Variants in PLEKHM1 observed in about 807,000 individuals in gnomAD.
PLEKHM1 encodes the protein pleckstrin homology and RUN domain containing M1.
PLEKHM1 carries 28 observed loss-of-function variants against 94.3 expected under a neutral mutation model. That is an observed-to-expected ratio of 0.30 (90% CI 0.22 to 0.41). The LOEUF (loss-of-function observed/expected upper bound fraction) is 0.41. PLEKHM1 is among the 10% of genes least tolerant of loss of function. The pLI is 1.00. For synonymous variants in PLEKHM1, 424 were observed against 581.2 expected (o/e 0.73, Z 3.89); for missense variants, 907 against 1,358.6 (o/e 0.67, Z 5.22).
At chr17:45,486,700 G>C (rs2052142262) in intron 1 of PLEKHM1, among the ~76,000 whole-genome samples, 1 of 152,184 alleles carries the variant, frequency 6.6e-6, no homozygotes, top group Non-Finnish European at 1.5e-5. Context: ...GAGAAATCCA[G>C]CAGAAGAGCC....
At chr17:45,456,818 A>G (rs2050966283) in intron 6 of PLEKHM1, among the ~76,000 whole-genome samples, 3 of 152,176 alleles carry the variant, frequency 2.0e-5, no homozygotes. Flanking sequence ...GTTACTGAAA[A>G]ATTTGGTTAT....
At chr17:45,486,223 A>G (rs2052115901) in intron 1 of PLEKHM1, among the ~76,000 whole-genome samples, 1 of 147,980 alleles carries the variant, frequency 6.8e-6, no homozygotes, top group Admixed American at 6.7e-5. Flanking sequence ...TCTCAAAAAA[A>G]AAAAGATAAA....
chr17:45,490,077 C>T (rs2052260541), intron 1 of PLEKHM1, among the ~76,000 whole-genome samples: 1 of 151,988 alleles, frequency 6.6e-6, no homozygotes, highest in Admixed American at 6.6e-5. Flanking sequence ...TCGGAGTTAT[C>T]CAGAAGAAAG....
chr17:45,477,023 G>C (rs1295322012), intron 3 of PLEKHM1: 4 of 152,192 alleles, frequency 2.6e-5, no homozygotes, highest in African/African-American at 9.6e-5. Flanking sequence ...AGGAAGATTA[G>C]AGACTGACAA....
chr17:45,458,136 T>C, intron 6 of PLEKHM1, 33 bp downstream of exon 6: 1 of 1,603,324 alleles, frequency 6.2e-7, no homozygotes, highest in Non-Finnish European at 8.5e-7. Context: ...TCCCTGCAGA[T>C]GGGACCCACC....
At chr17:45,457,423 G>T (rs2050995542) in intron 6 of PLEKHM1, among the ~76,000 whole-genome samples, 1 of 151,948 alleles carries the variant, frequency 6.6e-6, no homozygotes, top group Non-Finnish European at 1.5e-5. Flanking sequence ...AGCCAGGCAT[G>T]GTGGCTCATG....
In PLEKHM1 at chr17:45,453,435, C is replaced by T. The variant is rs1443056238; in HGVS notation, c.2417G>A (p.Arg806Gln). ...NCQEVLKFAT[R>Q]ENGFLLQYLV... ...GTACTGCAGCAGGAAGCCATTCTCCCGGGTGGCAAATTTCAGCACCTCCTG... is the reference window on the plus strand; with the variant it reads ...GTACTGCAGCAGGAAGCCATTCTCCTGGGTGGCAAATTTCAGCACCTCCTG... Residue 806 changes from arginine to glutamine, a missense_variant, in exon 7 of 12, where the codon CGG becomes CAG. Arg to Gln is a conservative substitution (Grantham distance 43). Coordinates refer to ENST00000430334, the MANE Select transcript of PLEKHM1 (RefSeq NM_014798.3). The surrounding 1 kb of genome is among the most constrained non-coding windows in gnomAD (Gnocchi z 4.1). 2.6e-5 allele frequency: 42 copies of T among 1,613,054 alleles called. No homozygotes were observed. Among genetic ancestry groups the T allele is most frequent in the Middle Eastern group, 1.6e-4 (1 of 6,076 alleles).
chr17:45,454,972 T>C (rs953818909), intron 6 of PLEKHM1: 3 of 159,000 alleles, frequency 1.9e-5, no homozygotes, highest in Non-Finnish European at 2.8e-5. Flanking sequence ...CTACTAAAAA[T>C]ACAAAAATTA....
intron 6 of PLEKHM1, chr17:45,454,623 G>A (rs971334310): frequency 3.9e-5 from 19 of 487,110 alleles, no homozygotes; most frequent in Non-Finnish European, 6.4e-5. Context: ...TTGTGCAGGA[G>A]GTCTCTCCCT....
chr17:45,468,261 T>C lies in PLEKHM1; in HGVS notation c.1256A>G (p.Gln419Arg). The C allele has an allele frequency of 1.2e-6, 2 of 1,613,064 alleles. No homozygotes were observed. The highest frequency in any genetic ancestry group is 1.7e-6 in the Non-Finnish European group (2 of 1,179,624). The change falls in exon 5 of 12, where the codon CAG becomes CGG. Residue 419 changes from glutamine (Q) to arginine (R), a missense_variant. This residue lies in a region of PLEKHM1 where 477 missense variants were observed against 601.5 expected (regional missense o/e 0.79). Coordinates refer to ENST00000430334, the MANE Select transcript of PLEKHM1 (RefSeq NM_014798.3). Reference protein sequence around the residue: ...VGQGNGLQKAQAHDGAGLKLV... With the variant: ...VGQGNGLQKARAHDGAGLKLV... Reference sequence around the variant, plus strand: ...CTTCAGACCAGCTCCGTCATGAGCCTGGGCCTTCTGCAGGCCATTCCCTTG... The same window carrying C: ...CTTCAGACCAGCTCCGTCATGAGCCCGGGCCTTCTGCAGGCCATTCCCTTG...
intron 9 of PLEKHM1, among the ~76,000 whole-genome samples, chr17:45,442,859 C>T (rs1050705927): frequency 6.6e-6 from 1 of 152,146 alleles, no homozygotes; most frequent in Non-Finnish European, 1.5e-5. Context: ...TGCCCAGAGC[C>T]CCTCAAGGGT....
intron 4 of PLEKHM1, among the ~76,000 whole-genome samples, chr17:45,470,730 C>G (rs1417778338): frequency 6.6e-6 from 1 of 151,122 alleles, no homozygotes; most frequent in African/African-American, 2.4e-5. Flanking sequence ...GCCATCTCGG[C>G]TCACTGCAAG....
chr17:45,474,925 T>C (rs577241187), intron 4 of PLEKHM1, among the ~76,000 whole-genome samples, 175 bp downstream of exon 4: 41 of 152,302 alleles, frequency 2.7e-4, no homozygotes, highest in South Asian at 1.2e-3. Context: ...CTGTATTGCC[T>C]GCTACAGTTC....
intron 1 of PLEKHM1, among the ~76,000 whole-genome samples, chr17:45,486,196 G>T (rs1294335907): frequency 7.3e-6 from 1 of 136,636 alleles, no homozygotes; most frequent in South Asian, 2.3e-4. Context: ...CAGCCTAGGC[G>T]ACAGAGAGAG....
chr17:45,474,858 C>T (rs2051659575), intron 4 of PLEKHM1, among the ~76,000 whole-genome samples: 1 of 152,190 alleles, frequency 6.6e-6, no homozygotes, highest in African/African-American at 2.4e-5. Context: ...GTCACCGGGG[C>T]AGAGCTGGAG....
intron 4 of PLEKHM1, among the ~76,000 whole-genome samples, chr17:45,473,224 C>T (rs1303281963): frequency 1.3e-5 from 2 of 152,118 alleles, no homozygotes; most frequent in Non-Finnish European, 2.9e-5. Flanking sequence ...CAGGCCCCAG[C>T]ACCCATTAAA....
chr17:45,442,671 C>T (rs2050485441), intron 9 of PLEKHM1, among the ~76,000 whole-genome samples: 1 of 152,222 alleles, frequency 6.6e-6, no homozygotes, highest in African/African-American at 2.4e-5. Flanking sequence ...TCCCAAAGTG[C>T]TGGGATTACA....
At chr17:45,448,872 CATA>C (rs2050688480) in intron 8 of PLEKHM1, among the ~76,000 whole-genome samples, 1 of 152,068 alleles carries the variant, frequency 6.6e-6, no homozygotes, top group African/African-American at 2.4e-5. Context: ...GTACCCAAGG[CATA>C]ATATTAAGTG....
Position 45,444,527 on chromosome 17 carries a change from G to A in PLEKHM1, c.2837+943C>T, listed in dbSNP as rs913306884. 1.3e-5 allele frequency among the ~76,000 whole-genome samples: 2 copies of A among 152,216 alleles called. No homozygotes were observed. The highest frequency in any genetic ancestry group is 4.8e-5 in the African/African-American group (2 of 41,450). ...ATCACGTCTTCTTTGGAGAATTTCA[G>A]GAGGGAGGCTGGCATGGGCCAGACG... On this transcript the variant is annotated intron_variant, in intron 9 of 11. Coordinates refer to ENST00000430334, the MANE Select transcript of PLEKHM1 (RefSeq NM_014798.3). The surrounding 1 kb of genome is among the most constrained non-coding windows in gnomAD (Gnocchi z 5.0).
Sources: gnomAD v4.1 joint callset for allele counts (sites outside exome capture counted in the v4.1 genomes callset) on GRCh38, gnomAD v4.1.1 for gene constraint, gnomAD v4.1.1 regional missense constraint, Gnocchi (gnomAD v3.1) non-coding constraint, MANE v1.5 for transcripts, NCBI Gene and HGNC (gene_info 2026-07-23, HGNC 2026-07-21) for gene names.